Variants in TAF2 observed in about 807,000 individuals in gnomAD.
TAF2 encodes transcription initiation factor TFIID subunit 2.
Under a neutral mutation model 138.5 loss-of-function variants are expected in TAF2, and 61 were observed. The ratio of observed to expected loss-of-function variants is 0.44; its 90% CI spans 0.36 to 0.54. TAF2 has a LOEUF of 0.54. TAF2 is among the 20% of genes least tolerant of loss of function. The pLI, the probability that TAF2 is intolerant of heterozygous loss-of-function variation, is 0.00. For synonymous variants in TAF2, 475 were observed against 469.9 expected (o/e 1.01, Z -0.14); for missense variants, 1,090 against 1,427.9 (o/e 0.76, Z 3.81).
rs370215970 is a variant in TAF2, at chr8:119,801,842, G to C, written c.744C>G (p.Ser248=). 81 of 1,614,160 alleles carry C rather than the reference G, an allele frequency of 5.0e-5. No homozygotes were observed. The African/African-American group carries it at 9.5e-4, about 19-fold the overall frequency. The change falls in exon 6 of 26, where the codon TCC becomes TCG. Residue 248 remains serine (S), a synonymous_variant. Coordinates refer to ENST00000378164, the MANE Select transcript of TAF2 (RefSeq NM_003184.4). ...GTATTTCAAATGGTCCAATGGCCAA[G>C]GAGATATTTGACGCTGCTGTAGGAA... is the stretch of plus-strand genomic sequence containing the variant. ...LTIPTAASNI[S]LAIGPFEILV...
At chr8:119,811,544 C>G (rs28490296) in intron 3 of TAF2, among the ~76,000 whole-genome samples, 1 of 151,844 alleles carries the variant, frequency 6.6e-6, no homozygotes, top group Non-Finnish European at 1.5e-5. Context: ...CGGTGGCTCA[C>G]GCCTGTAATC....
chr8:119,774,288 A>G (rs897985817), intron 18 of TAF2, among the ~76,000 whole-genome samples: 13 of 152,206 alleles, frequency 8.5e-5, no homozygotes, highest in Admixed American at 2.0e-4. Flanking sequence ...TATTAAATAA[A>G]TGAACTTTAA....
At chr8:119,828,768 G>C (rs936641999) in intron 2 of TAF2, among the ~76,000 whole-genome samples, 5 of 152,160 alleles carry the variant, frequency 3.3e-5, no homozygotes, top group African/African-American at 7.2e-5. Context: ...TAATATTTTA[G>C]GTGGGAACAG....
chr8:119,769,315 G>A (rs1270178458), intron 18 of TAF2, among the ~76,000 whole-genome samples: 4 of 152,128 alleles, frequency 2.6e-5, no homozygotes, highest in Non-Finnish European at 5.9e-5. Context: ...AGGAGAGGAA[G>A]AGTCCCATCC....
chr8:119,796,080 AT>A lies in TAF2; in HGVS notation c.1092-450del, dbSNP rs557953047. Among the ~76,000 whole-genome samples, 34 of 150,380 alleles carry A rather than the reference AT, an allele frequency of 2.3e-4. No homozygotes were observed. In the South Asian group the frequency reaches 3.6e-3, roughly 16 times the overall value. On this transcript the variant is annotated intron_variant, in intron 8 of 25. Transcript: ENST00000378164. Reference sequence around the variant, plus strand: ...AACCTAAAGTTTAATTCCTTCATTCATTTTTTTTTGCTTTCTCTAGAAAAAT... The same window carrying A: ...AACCTAAAGTTTAATTCCTTCATTCATTTTTTTTGCTTTCTCTAGAAAAAT...
chr8:119,831,818 G>C (rs975160830), intron 1 of TAF2, 87 bp from the exon 2 acceptor site: 2 of 900,994 alleles, frequency 2.2e-6, no homozygotes, highest in African/African-American at 3.4e-5. Flanking sequence ...TATAAATTAG[G>C]ACTATGTTCT....
chr8:119,806,595 G>A (rs1824672814), intron 3 of TAF2, among the ~76,000 whole-genome samples, 194 bp from the exon 4 acceptor site: 1 of 151,150 alleles, frequency 6.6e-6, no homozygotes, highest in Non-Finnish European at 1.5e-5. Context: ...AGCCTCCCGA[G>A]TAGCTAGGAT....
Position 119,749,192 on chromosome 8 carries a change from A to T in TAF2, c.2879-2258T>A, listed in dbSNP as rs185555753. Reference sequence around the variant, plus strand: ...GTTTTTGAACGTCAGCTTAAGGATGATTAGGCAGCACAGTAAAGGCTGCTA... The same window carrying T: ...GTTTTTGAACGTCAGCTTAAGGATGTTTAGGCAGCACAGTAAAGGCTGCTA... On this transcript the variant is annotated intron_variant, in intron 22 of 25. Transcript: ENST00000378164. Among the ~76,000 whole-genome samples the T allele has an allele frequency of 4.1e-3, 622 of 152,308 alleles. 8 individuals are homozygous for T. Among genetic ancestry groups the T allele is most frequent in the Non-Finnish European group, 4.7e-3 (317 of 68,028 alleles).
At chr8:119,786,296 G>A (rs1040428148) in intron 14 of TAF2, among the ~76,000 whole-genome samples, 1 of 152,164 alleles carries the variant, frequency 6.6e-6, no homozygotes, top group Non-Finnish European at 1.5e-5. Flanking sequence ...AAAAGACATA[G>A]TAAGCAAGAT....
chr8:119,751,612 G>A (rs899211608), intron 22 of TAF2, among the ~76,000 whole-genome samples: 3 of 151,866 alleles, frequency 2.0e-5, no homozygotes, highest in Non-Finnish European at 4.4e-5. Context: ...TAATTTATCT[G>A]TTCCTATGTC....
chr8:119,744,443 T>G, intron 23 of TAF2, 50 bp from the exon 24 acceptor site: 13 of 1,513,716 alleles, frequency 8.6e-6, no homozygotes, highest in Non-Finnish European at 1.2e-5. Context: ...TTACATCATG[T>G]TATGTTTGGA....
intron 1 of TAF2, among the ~76,000 whole-genome samples, chr8:119,831,986 G>GTAA (rs1826479851): frequency 6.6e-6 from 1 of 151,874 alleles, no homozygotes; most frequent in Admixed American, 6.6e-5. Context: ...GAGTGAAACC[G>GTAA]AGTCTCTACT....
chr8:119,822,160 G>A (rs561690678), intron 2 of TAF2, among the ~76,000 whole-genome samples: 1 of 151,248 alleles, frequency 6.6e-6, no homozygotes, highest in South Asian at 2.1e-4. Context: ...CATCCTTTAT[G>A]CTTCTTCATT....
intron 2 of TAF2, among the ~76,000 whole-genome samples, chr8:119,822,573 A>G (rs1036814426): frequency 2.0e-5 from 3 of 152,194 alleles, no homozygotes; most frequent in South Asian, 2.1e-4. Context: ...AGTGACTTGA[A>G]TATAGATATG....
In TAF2 at chr8:119,798,645, A is replaced by C. The variant is rs939363694; in HGVS notation, c.793-799T>G. ...AAAAAGGTATGATCAGAGAAATATA[A>C]GTAAACTATTTTGAATATAACATCT... On this transcript the variant is annotated intron_variant, in intron 6 of 25. Coordinates refer to ENST00000378164, the MANE Select transcript of TAF2 (RefSeq NM_003184.4). Among the ~76,000 whole-genome samples the C allele has an allele frequency of 2.0e-5, 3 of 152,232 alleles. No homozygotes were observed. The East Asian group carries it at 5.8e-4, about 29-fold the overall frequency.
intron 3 of TAF2, among the ~76,000 whole-genome samples, chr8:119,815,799 A>C (rs1825423573): frequency 6.6e-6 from 1 of 152,234 alleles, no homozygotes; most frequent in Non-Finnish European, 1.5e-5. Context: ...TAAGATTCAC[A>C]CACAAAATAT....
chr8:119,785,242 C>A lies in TAF2; in HGVS notation c.1818G>T (p.Leu606=). Residue 606 remains leucine (L), a synonymous_variant, in exon 15 of 26, where the codon CTG becomes CTT. Coordinates refer to ENST00000378164, the MANE Select transcript of TAF2 (RefSeq NM_003184.4). ...SRRNKKKKIP[L]MNGEEVDMDL... Reference sequence around the variant, plus strand: ...CCATATCAACTTCTTCTCCATTCATCAGTGGGATTTTTTTCTTTTTATTCC... The same window carrying A: ...CCATATCAACTTCTTCTCCATTCATAAGTGGGATTTTTTTCTTTTTATTCC... The A allele has an allele frequency of 6.2e-7, 1 of 1,612,780 alleles. No homozygotes were observed. The highest frequency in any genetic ancestry group is 8.5e-7 in the Non-Finnish European group (1 of 1,179,240).
chr8:119,746,664 T>C (rs1819996569), intron 23 of TAF2, 41 bp downstream of exon 23: 1 of 1,587,098 alleles, frequency 6.3e-7, no homozygotes, highest in South Asian at 1.1e-5. Context: ...AGATCCTCTA[T>C]ATAATGAAAC....
intron 10 of TAF2, 28 bp downstream of exon 10, chr8:119,793,338 T>G: frequency 6.4e-7 from 1 of 1,566,336 alleles, no homozygotes; most frequent in South Asian, 1.1e-5. Context: ...TCAAGGTTTA[T>G]AATATCATCT....
Sources: allele counts gnomAD v4.1 joint callset (sites outside exome capture counted in the v4.1 genomes callset), GRCh38; gene constraint gnomAD v4.1.1; transcripts MANE v1.5; gene names NCBI Gene and HGNC (gene_info 2026-07-23, HGNC 2026-07-21).